The following ZNF467 variants were observed in gnomAD, a reference collection of about 807,000 sequenced individuals.
ZNF467 encodes zinc finger protein EZI.
ZNF467 carries 51 observed loss-of-function variants against 47.8 expected under a neutral mutation model. The observed-to-expected ratio is 1.07, with a 90% CI of 0.85 to 1.35. The LOEUF (loss-of-function observed/expected upper bound fraction) is 1.35. ZNF467 is among the 40% of genes most tolerant of loss of function. The probability of loss-of-function intolerance (pLI) is 0.00; values close to 1 mark genes in which losing one functional copy is unlikely to be tolerated. For synonymous variants in ZNF467, 416 were observed against 372.9 expected (o/e 1.12, Z -1.33); for missense variants, 992 against 858.1 (o/e 1.16, Z -1.95).
upstream of ZNF467, among the ~76,000 whole-genome samples, chr7:149,774,229 A>G (rs568080425): frequency 6.3e-4 from 96 of 152,212 alleles, 1 homozygote; most frequent in African/African-American, 2.1e-3. This position sits in a 1 kb window ranked among gnomAD's most constrained non-coding sequence, Gnocchi z 5.7. Flanking sequence ...CCAGCTCCTC[A>G]GGGGACTCCA....
At chr7:149,775,459 C>T (rs1474360600), upstream of ZNF467, among the ~76,000 whole-genome samples, 5 of 152,180 alleles carry the variant, frequency 3.3e-5, 1 homozygote, top group Non-Finnish European at 5.9e-5. Context: ...CCCCATCAGT[C>T]GTTTAGCCCA....
In ZNF467 at chr7:149,767,291, G is replaced by A. The variant is rs145944658; in HGVS notation, c.263-1052C>T. ...ACGTTGAGAAAATGCACAAATGGGG[G>A]CAAGGCCCACGAACGTGTTCTCATC... is the stretch of plus-strand genomic sequence containing the variant. On this transcript the variant is annotated intron_variant, in intron 4 of 4. Coordinates refer to ENST00000302017, the MANE Select transcript of ZNF467 (RefSeq NM_207336.3). 3.6e-3 allele frequency among the ~76,000 whole-genome samples: 551 copies of A among 152,358 alleles called. 1 individual carries two copies. The highest frequency in any genetic ancestry group is 0.02 in the Middle Eastern group (6 of 294).
Position 149,773,533 on chromosome 7 carries a change from G to T in ZNF467, c.-468C>A, listed in dbSNP as rs1195697897. On this transcript the variant is annotated 5_prime_UTR_variant, in exon 1 of 5. Coordinates refer to ENST00000302017, the MANE Select transcript of ZNF467 (RefSeq NM_207336.3). ...GGAGGGTGATGGGAGAGGGGGTGGA[G>T]GAGGGCGAGGAGGCTGGGGAGGACA... 6.9e-6 allele frequency: 1 copy of T among 144,704 alleles called. No homozygotes were observed. Among genetic ancestry groups the T allele is most frequent in the Non-Finnish European group, 1.5e-5 (1 of 65,532 alleles). 9.0% of individuals were successfully genotyped at this position (144,704 alleles called of 1,614,324 possible).
chr7:149,770,527 G>T lies in ZNF467; in HGVS notation c.64C>A (p.Pro22Thr). The change falls in exon 3 of 5, where the codon CCC (proline) becomes ACC (threonine). Residue 22 changes from proline (P) to threonine (T), a missense_variant. By Grantham distance (38) the Pro-to-Thr change is conservative. Transcript: ENST00000302017. ...GATCCTTCCCTGGGCTCACTTTGGG[G>T]GGCCATCTCTGGCTGTCCCACAGAG... ...GFSVGQPEMAPQSEPREGSHN... is the reference protein window; with the variant it reads ...GFSVGQPEMATQSEPREGSHN... 6.2e-7 allele frequency: 1 copy of T among 1,613,614 alleles called. No individual in the cohort carries two copies. Among genetic ancestry groups the T allele is most frequent in the Non-Finnish European group, 8.5e-7 (1 of 1,179,816 alleles).
Position 149,764,895 on chromosome 7 carries a change from A to G in ZNF467, c.1607T>C (p.Ile536Thr). 1 of 1,565,404 alleles carries G rather than the reference A, an allele frequency of 6.4e-7. No individual in the cohort carries two copies. Among genetic ancestry groups the G allele is most frequent in the Non-Finnish European group, 8.6e-7 (1 of 1,158,350 alleles). ...GGAGAAGGGGCGGGAGCCTGTGTGG[A>G]TCGCCTGGTGGCGGACTAGGTTGGT... Reference protein sequence around the residue: ...SKTNLVRHQAIHTGSRPFSCP... With the variant: ...SKTNLVRHQATHTGSRPFSCP... The change falls in exon 5 of 5, where the codon ATC becomes ACC. Residue 536 changes from isoleucine to threonine, a missense_variant. Physicochemically the swap from Ile to Thr is moderately conservative, Grantham distance 89. Coordinates refer to ENST00000302017, the MANE Select transcript of ZNF467 (RefSeq NM_207336.3).
upstream of ZNF467, chr7:149,776,395 C>T (rs996787263): frequency 3.7e-6 from 5 of 1,362,924 alleles, no homozygotes; most frequent in Middle Eastern, 2.1e-4. Flanking sequence ...GGAAGTGGCA[C>T]CCCGTCAGGA....
chr7:149,771,875 A>G (rs1585959293), intron 1 of ZNF467, among the ~76,000 whole-genome samples: 1 of 84,486 alleles, frequency 1.2e-5, no homozygotes, highest in Non-Finnish European at 2.3e-5. Context: ...CGAGCCCGGC[A>G]GGGCCAACCC....
chr7:149,764,797 C>A lies in ZNF467; in HGVS notation c.1705G>T (p.Ala569Ser), dbSNP rs1446259123. The stretch of plus-strand genomic sequence containing the variant: ...AGGGCGGCGTCCGGGGCCGCGTGGG[C>A]GGCTTCGCCGTGAATGAGCTGGTGC... Reference protein sequence around the residue: ...VRHQLIHGEAAHAAPDAALAA... With the variant: ...VRHQLIHGEASHAAPDAALAA... The change falls in exon 5 of 5, where the codon GCC becomes TCC. Residue 569 changes from alanine to serine, a missense_variant. Ala to Ser is a moderately conservative substitution (Grantham distance 99). Coordinates refer to ENST00000302017, the MANE Select transcript of ZNF467 (RefSeq NM_207336.3). 10 of 1,524,678 alleles carry A rather than the reference C, an allele frequency of 6.6e-6. No individual in the cohort carries two copies. The highest frequency in any genetic ancestry group is 8.8e-6 in the Non-Finnish European group (10 of 1,137,528). The allele number at this position is 1,524,678 out of a possible 1,614,324, so 94.4% of individuals were successfully genotyped here.
upstream of ZNF467, among the ~76,000 whole-genome samples, chr7:149,775,708 T>TACACACACACACACACACACAC (rs3085320): frequency 7.2e-6 from 1 of 138,896 alleles, no homozygotes; most frequent in African/African-American, 2.7e-5. Context: ...AGTGTGAAAA[T>TACACACACACACACACACACAC]ACACACACAC....
At chr7:149,774,331 C>T (rs1799518689), upstream of ZNF467, among the ~76,000 whole-genome samples, 1 of 152,206 alleles carries the variant, frequency 6.6e-6, no homozygotes, top group African/African-American at 2.4e-5. The surrounding 1 kb of genome is among the most constrained non-coding windows in gnomAD (Gnocchi z 5.7). Context: ...GAAGTCTGGA[C>T]TGTTAGTTCC....
intron 2 of ZNF467, 28 bp from the exon 3 acceptor site, chr7:149,770,584 G>A (rs1799371282): frequency 6.3e-7 from 1 of 1,581,530 alleles, no homozygotes; most frequent in Non-Finnish European, 8.7e-7. Context: ...ATGGGTCCAA[G>A]TAAAGCATCC....
Position 149,765,050 on chromosome 7 carries a change from G to A in ZNF467, c.1452C>T (p.Ala484=). The change falls in exon 5 of 5, where the codon GCC becomes GCT. Residue 484 remains alanine (A), a synonymous_variant. Transcript: ENST00000302017. ...CGCACTGAGCGCAGGCGAAAGGCCTGGCGCCGCTGTGGGCCCTGGAGTGGG... is the reference window on the plus strand; with the variant it reads ...CGCACTGAGCGCAGGCGAAAGGCCTAGCGCCGCTGTGGGCCCTGGAGTGGG... ...LVAHSRAHSG[A]RPFACAQCGR... The A allele has an allele frequency of 6.6e-7, 1 of 1,511,730 alleles. No homozygotes were observed. Among genetic ancestry groups the A allele is most frequent in the Non-Finnish European group, 8.8e-7 (1 of 1,135,972 alleles). The allele number at this position is 1,511,730 out of a possible 1,614,324, so 93.6% of individuals were successfully genotyped here.
Position 149,773,315 on chromosome 7 carries a change from A to T in ZNF467, c.-250T>A, listed in dbSNP as rs990217243. 6.6e-6 allele frequency: 1 copy of T among 150,544 alleles called. No individual in the cohort carries two copies. Among genetic ancestry groups the T allele is most frequent in the African/African-American group, 2.5e-5 (1 of 40,742 alleles). The allele number at this position is 150,544 out of a possible 1,614,324, so 9.3% of individuals were successfully genotyped here. A position where few individuals can be genotyped will look rare whatever the true frequency, so the allele number is the denominator to read the frequency against. On this transcript the variant is annotated 5_prime_UTR_variant, in exon 1 of 5. Coordinates refer to ENST00000302017, the MANE Select transcript of ZNF467 (RefSeq NM_207336.3). ...AGCCGGGAAACGGCGCCTGCAAGGG[A>T]GGAGGGACCGAGGGAGCGGGCGGAG...
upstream of ZNF467, among the ~76,000 whole-genome samples, chr7:149,774,133 G>C (rs1302850803): frequency 6.6e-6 from 1 of 152,010 alleles, no homozygotes; most frequent in Non-Finnish European, 1.5e-5. The surrounding 1 kb of genome is among the most constrained non-coding windows in gnomAD (Gnocchi z 5.7). Flanking sequence ...CTCTATGGGC[G>C]GGAGACGATT....
rs1385027887 is a variant in ZNF467, at chr7:149,764,518, G to A, written c.*196C>T. On this transcript the variant is annotated 3_prime_UTR_variant, in exon 5 of 5. Coordinates refer to ENST00000302017, the MANE Select transcript of ZNF467 (RefSeq NM_207336.3). The stretch of plus-strand genomic sequence containing the variant: ...CTTCAGCTCAGCGGTTCCCAGCAAG[G>A]GTTCGCTGAGTCTCTGTCCTAGGAG... 2.0e-6 allele frequency: 2 copies of A among 1,012,000 alleles called. No homozygotes were observed. The highest frequency in any genetic ancestry group is 3.2e-5 in the African/African-American group (2 of 62,952). The allele number at this position is 1,012,000 out of a possible 1,614,324, so 62.7% of individuals were successfully genotyped here. A position where few individuals can be genotyped will look rare whatever the true frequency, so the allele number is the denominator to read the frequency against.
chr7:149,776,006 C>T (rs759418492), upstream of ZNF467: 1 of 1,357,888 alleles, frequency 7.4e-7, no homozygotes, highest in Admixed American at 1.9e-5. Context: ...GCCCAAGCCT[C>T]ACGTTCCCCA....
At position 149,765,348 on chromosome 7, in the gene ZNF467, C is replaced by T; in HGVS notation, c.1154G>A (p.Gly385Glu). Residue 385 changes from glycine (G) to glutamate (E), a missense_variant, in exon 5 of 5, where the codon GGG (glycine) becomes GAG (glutamate). Coordinates refer to ENST00000302017, the MANE Select transcript of ZNF467 (RefSeq NM_207336.3). ...CLHRSEGRPF[G>E]CDECALGATV... Reference sequence around the variant, plus strand: ...GGCGCCCAGTGCGCACTCATCGCACCCAAAGGGGCGACCCTCGCTGCGGTG... The same window carrying T: ...GGCGCCCAGTGCGCACTCATCGCACTCAAAGGGGCGACCCTCGCTGCGGTG... The T allele has an allele frequency of 1.3e-6, 2 of 1,531,312 alleles. No individual in the cohort carries two copies. The highest frequency in any genetic ancestry group is 1.8e-6 in the Non-Finnish European group (2 of 1,137,352). 94.9% of individuals were successfully genotyped at this position (1,531,312 alleles called of 1,614,324 possible). A position where few individuals can be genotyped will look rare whatever the true frequency, so the allele number is the denominator to read the frequency against.
At chr7:149,768,090 A>G (rs1317092297) in intron 4 of ZNF467, among the ~76,000 whole-genome samples, 1 of 152,242 alleles carries the variant, frequency 6.6e-6, no homozygotes, top group Admixed American at 6.5e-5. Context: ...TTTTTTGACA[A>G]ATTCCCAGTG....
chr7:149,772,215 C>G (rs1283851854), intron 1 of ZNF467, among the ~76,000 whole-genome samples: 1 of 70,224 alleles, frequency 1.4e-5, no homozygotes, highest in Non-Finnish European at 2.9e-5. Context: ...CCCTTCCCCT[C>G]CCCCTTTCCA....
Sources: gnomAD v4.1 joint callset for allele counts (sites outside exome capture counted in the v4.1 genomes callset) on GRCh38, gnomAD v4.1.1 for gene constraint, Gnocchi (gnomAD v3.1) non-coding constraint, MANE v1.5 for transcripts, NCBI Gene and HGNC (gene_info 2026-07-23, HGNC 2026-07-21) for gene names.